CDH4: variants seen among roughly 807,000 people sequenced by gnomAD.
CDH4 encodes the protein cadherin 4, also known as cadherin-4.
In CDH4, 33 loss-of-function variants were observed where a neutral mutation model predicts 86.0. The ratio of observed to expected loss-of-function variants is 0.38; its 90% CI spans 0.29 to 0.51. The LOEUF (loss-of-function observed/expected upper bound fraction) is 0.51, where lower values mean the gene tolerates loss of function less well. CDH4 is among the 20% of genes least tolerant of loss of function. CDH4 has a pLI of 0.86. For missense variants in CDH4, 1,114 were observed against 1,307.4 expected (o/e 0.85, Z 2.28); for synonymous variants, 555 against 549.4 (o/e 1.01, Z -0.14).
chr20:61,320,813 C>T (rs1479770788), intron 2 of CDH4, among the ~76,000 whole-genome samples: 1 of 151,896 alleles, frequency 6.6e-6, no homozygotes, highest in African/African-American at 2.4e-5. Flanking sequence ...GCGCAGAGGT[C>T]CTGTGCTGGG....
At chr20:61,861,940 A>G (rs764923348) in intron 6 of CDH4, among the ~76,000 whole-genome samples, 3 of 152,120 alleles carry the variant, frequency 2.0e-5, no homozygotes, top group Non-Finnish European at 4.4e-5. Context: ...CCAGAGATAC[A>G]TCCGCTCCTC....
chr20:61,841,803 C>T lies in CDH4; in HGVS notation c.577-2865C>T, dbSNP rs756693603. ...CGCACCGTGGGCCTGCAGGCCTCCT[C>T]TCCTGGCGATGTCTCCTAGCACGTG... On this transcript the variant is annotated intron_variant, in intron 4 of 15. Coordinates refer to ENST00000614565, the MANE Select transcript of CDH4 (RefSeq NM_001794.5). Among the ~76,000 whole-genome samples, 3 of 152,196 alleles carry T rather than the reference C, an allele frequency of 2.0e-5. No individual in the cohort carries two copies. In the South Asian group the frequency reaches 6.2e-4, roughly 32 times the overall value.
chr20:61,859,818 T>C (rs1983234315), intron 6 of CDH4, among the ~76,000 whole-genome samples: 1 of 152,260 alleles, frequency 6.6e-6, no homozygotes, highest in Admixed American at 6.5e-5. Flanking sequence ...GATGGCTTCG[T>C]GGACAGTGTG....
rs1022290542 is a variant in CDH4 at position 61,518,401 on chromosome 20, A to C, written c.170-225162A>C. Among the ~76,000 whole-genome samples the C allele has an allele frequency of 2.6e-5, 4 of 152,152 alleles. No homozygotes were observed. Among genetic ancestry groups the C allele is most frequent in the Non-Finnish European group, 4.4e-5 (3 of 68,020 alleles). ...CTGGAATTTGGCCAAATTCTCTGTT[A>C]TGATGAGGCTGTCCATCATCCATCT... On this transcript the variant is annotated intron_variant, in intron 2 of 15. Transcript: ENST00000614565. The surrounding 1 kb of genome is among the most constrained non-coding windows in gnomAD (Gnocchi z 6.3).
chr20:61,505,147 G>C (rs1431476993), intron 2 of CDH4, among the ~76,000 whole-genome samples: 2 of 152,110 alleles, frequency 1.3e-5, no homozygotes, highest in African/African-American at 4.8e-5. Flanking sequence ...CGCAAGCGAG[G>C]CTCATTGGGT....
In CDH4 at chr20:61,548,592, A is replaced by C. The variant is rs552798424; in HGVS notation, c.170-194971A>C. The stretch of plus-strand genomic sequence containing the variant: ...TTTTAGTGGCTTAAAATGTCATTAA[A>C]AAATTAAAGCATGTTTATACAAACT... On this transcript the variant is annotated intron_variant, in intron 2 of 15. Transcript: ENST00000614565. Among the ~76,000 whole-genome samples the C allele has an allele frequency of 1.2e-4, 19 of 152,348 alleles. No individual in the cohort carries two copies. The South Asian group carries it at 3.7e-3, about 30-fold the overall frequency.
At chr20:61,928,141 C>G in intron 11 of CDH4, 49 bp from the exon 12 acceptor site, 1 of 1,441,416 alleles carries the variant, frequency 6.9e-7, no homozygotes, top group African/African-American at 1.4e-5. Context: ...GTGGGTTGGT[C>G]ATGGAGTACC....
intron 2 of CDH4, among the ~76,000 whole-genome samples, chr20:61,573,482 G>A (rs900423890): frequency 1.1e-4 from 16 of 152,226 alleles, no homozygotes; most frequent in East Asian, 5.8e-4. Flanking sequence ...GGTGGCATCC[G>A]GAAGTGGGGC....
intron 3 of CDH4, among the ~76,000 whole-genome samples, chr20:61,750,390 A>T (rs942977313): frequency 1.3e-5 from 2 of 152,240 alleles, no homozygotes; most frequent in Non-Finnish European, 2.9e-5. Context: ...AAAGGATAAT[A>T]GTGTAGAAAT....
At chr20:61,565,231 T>TA (rs1372940127) in intron 2 of CDH4, among the ~76,000 whole-genome samples, 1 of 45,758 alleles carries the variant, frequency 2.2e-5, no homozygotes, top group Non-Finnish European at 4.6e-5. Context: ...TAGGTGGTGG[T>TA]GGTGGTGGTG....
chr20:61,729,536 C>T (rs964512795), intron 2 of CDH4, among the ~76,000 whole-genome samples: 1 of 152,228 alleles, frequency 6.6e-6, no homozygotes, highest in African/African-American at 2.4e-5. Context: ...GGCTCTTTCG[C>T]CACAGCAGGG....
chr20:61,867,805 T>C (rs1983616435), intron 6 of CDH4, among the ~76,000 whole-genome samples: 1 of 152,202 alleles, frequency 6.6e-6, no homozygotes, highest in African/African-American at 2.4e-5. Context: ...CACTGCAAGC[T>C]TCTAATGAGC....
intron 2 of CDH4, among the ~76,000 whole-genome samples, chr20:61,635,785 T>C (rs2086940583): frequency 6.6e-6 from 1 of 152,206 alleles, no homozygotes; most frequent in African/African-American, 2.4e-5. Flanking sequence ...AAGCACGTCT[T>C]CCTGGTCCGC....
At chr20:61,513,629 T>C (rs545375513) in intron 2 of CDH4, among the ~76,000 whole-genome samples, 1 of 152,334 alleles carries the variant, frequency 6.6e-6, no homozygotes, top group East Asian at 1.9e-4. Flanking sequence ...ACCTTCCCTC[T>C]AAGCAGTCTC....
chr20:61,853,313 C>G (rs73143154), intron 6 of CDH4, among the ~76,000 whole-genome samples: 5,055 of 152,202 alleles, frequency 0.033, 111 homozygotes, highest in Admixed American at 0.058. Context: ...GTGCCCATGC[C>G]AGGGCCTGGG....
intron 2 of CDH4, among the ~76,000 whole-genome samples, chr20:61,297,411 T>C (rs1456728296): frequency 2.6e-5 from 4 of 152,090 alleles, no homozygotes; most frequent in African/African-American, 9.7e-5. Context: ...AAAAAAAGTG[T>C]GGAAAAGTCC....
chr20:61,839,919 C>T (rs183025088), intron 4 of CDH4, among the ~76,000 whole-genome samples: 167 of 150,080 alleles, frequency 1.1e-3, no homozygotes, highest in African/African-American at 3.8e-3. Context: ...GTGTGTGTGT[C>T]ATGTGTACAT....
chr20:61,837,865 C>T (rs1483924386), intron 4 of CDH4, among the ~76,000 whole-genome samples: 2 of 152,168 alleles, frequency 1.3e-5, no homozygotes, highest in Non-Finnish European at 2.9e-5. Context: ...TCCAGGCCAG[C>T]CCACTGCAGG....
chr20:61,745,283 T>G (rs1195642241), intron 3 of CDH4, among the ~76,000 whole-genome samples: 1 of 152,182 alleles, frequency 6.6e-6, no homozygotes. Context: ...TTCCCCAAAC[T>G]GTCTGACCAA....
Sources: allele counts gnomAD v4.1 joint callset (sites outside exome capture counted in the v4.1 genomes callset), GRCh38; gene constraint gnomAD v4.1.1; non-coding constraint Gnocchi (gnomAD v3.1); transcripts MANE v1.5; gene names NCBI Gene and HGNC (gene_info 2026-07-23, HGNC 2026-07-21).